Variants in EXD3 observed in about 807,000 individuals in gnomAD.
EXD3 encodes exonuclease 3'-5' domain containing 3, also known as exonuclease mut-7 homolog.
A neutral mutation model predicts 98.0 loss-of-function variants in EXD3; 92 were observed. The ratio of observed to expected loss-of-function variants is 0.94; its 90% CI spans 0.79 to 1.12. The LOEUF is 1.12. EXD3 is among the 50% of genes most tolerant of loss of function. EXD3 has a pLI of 0.00. For missense variants in EXD3, 1,222 were observed against 1,191.6 expected (o/e 1.03, Z -0.38); for synonymous variants, 569 against 526.0 (o/e 1.08, Z -1.12).
chr9:137,362,569 T>C (rs1835044186), intron 7 of EXD3, among the ~76,000 whole-genome samples: 1 of 151,966 alleles, frequency 6.6e-6, no homozygotes, highest in Admixed American at 6.6e-5. Flanking sequence ...AATCACAGCT[T>C]ACTGTAGCCT....
Position 137,415,622 on chromosome 9 carries a change from G to C in EXD3, c.-48+7492C>G, listed in dbSNP as rs1470950622. On this transcript the variant is annotated intron_variant, in intron 1 of 21. Coordinates refer to ENST00000340951, the MANE Select transcript of EXD3 (RefSeq NM_017820.5). ...CACATGGATGTACCATGGGACAGCT[G>C]CAAGGACGGGTCAGGTGGCCCATGG... 6.6e-5 allele frequency among the ~76,000 whole-genome samples: 10 copies of C among 152,194 alleles called. 1 individual carries two copies. The East Asian group carries it at 1.2e-3, about 18-fold the overall frequency.
At chr9:137,396,841 C>G in intron 1 of EXD3, among the ~76,000 whole-genome samples, 1 of 152,324 alleles carries the variant, frequency 6.6e-6, no homozygotes, top group South Asian at 2.1e-4. Context: ...GATGATATAT[C>G]TTAGGAAACC....
chr9:137,373,055 C>T lies in EXD3; in HGVS notation c.312G>A (p.Lys104=). 6.3e-7 allele frequency: 1 copy of T among 1,588,514 alleles called. No homozygotes were observed. Among genetic ancestry groups the T allele is most frequent in the South Asian group, 1.1e-5 (1 of 88,300 alleles). Residue 104 remains lysine, a synonymous_variant, in exon 5 of 22, where the codon AAG becomes AAA. Coordinates refer to ENST00000340951, the MANE Select transcript of EXD3 (RefSeq NM_017820.5). ...PSLAQHSLRL[K]QLQARAVKVL... ...CTTTGACCGCTCGGGCCTGCAGCTG[C>T]TTCAGCCTCAGGCTGTGCTGGAAGA...
rs61736008 is a variant in EXD3, at chr9:137,393,043, A to C, written c.55+2260T>G. 4.5e-3 allele frequency: 2,776 copies of C among 612,598 alleles called. 29 individuals carry two copies. The highest frequency in any genetic ancestry group is 0.033 in the Middle Eastern group (73 of 2,192). 37.9% of individuals were successfully genotyped at this position (612,598 alleles called of 1,614,324 possible). On this transcript the variant is annotated intron_variant, in intron 2 of 21. Transcript: ENST00000340951. This position sits in a 1 kb window ranked among gnomAD's most constrained non-coding sequence, Gnocchi z 4.6. ...TTCCAGGGAGGGCCATTAGTGTTCCAGGGGGTGCTGAGGCTGTTCCAGGGG... is the reference window on the plus strand; with the variant it reads ...TTCCAGGGAGGGCCATTAGTGTTCCCGGGGGTGCTGAGGCTGTTCCAGGGG...
intron 1 of EXD3, among the ~76,000 whole-genome samples, chr9:137,399,296 C>T (rs1160293635): frequency 1.3e-5 from 2 of 152,184 alleles, no homozygotes; most frequent in Non-Finnish European, 2.9e-5. Flanking sequence ...TGGTGTGGTC[C>T]CCTGGGGGCT....
chr9:137,338,279 T>C (rs1435928252), intron 17 of EXD3, among the ~76,000 whole-genome samples: 1 of 152,224 alleles, frequency 6.6e-6, no homozygotes, highest in Non-Finnish European at 1.5e-5. Context: ...TTGAAAAACC[T>C]TCTAAAGAAC....
rs1399007224 is a variant in EXD3 at position 137,422,422 on chromosome 9, C to T, written c.-48+692G>A. Among the ~76,000 whole-genome samples, 6 of 152,166 alleles carry T rather than the reference C, an allele frequency of 3.9e-5. No homozygotes were observed. In the East Asian group the frequency reaches 1.2e-3, roughly 29 times the overall value. On this transcript the variant is annotated intron_variant, in intron 1 of 21. Coordinates refer to ENST00000340951, the MANE Select transcript of EXD3 (RefSeq NM_017820.5). The stretch of plus-strand genomic sequence containing the variant: ...ACCCCTCGAGCCAAGTAACTATCCA[C>T]TGATGACACCAAGCCGTGGTCAATC...
chr9:137,309,617 G>C lies in EXD3; in HGVS notation c.2268C>G (p.Pro756=), dbSNP rs1229761132. The C allele has an allele frequency of 1.3e-6, 2 of 1,559,482 alleles. No homozygotes were observed. The highest frequency in any genetic ancestry group is 4.8e-5 in the East Asian group (2 of 41,608). ...LMWLSSHQEG[P]RSSGDEATQS... ...CCCTGACACACTCACCTGAGCTCCT[G>C]GGCCCCTCCTGGTGACTGCTGAGCC... Residue 756 remains proline, a synonymous_variant, in exon 20 of 22, where the codon CCC becomes CCG. Coordinates refer to ENST00000340951, the MANE Select transcript of EXD3 (RefSeq NM_017820.5).
At chr9:137,307,519 C>A (rs899588269) in intron 21 of EXD3, 89 bp downstream of exon 21, 11 of 1,521,776 alleles carry the variant, frequency 7.2e-6, no homozygotes, top group Middle Eastern at 4.5e-4. Flanking sequence ...TCTGCCCGGC[C>A]GGGACCCAAG....
intron 17 of EXD3, among the ~76,000 whole-genome samples, chr9:137,335,636 C>T (rs556547333): frequency 3.9e-5 from 6 of 152,182 alleles, no homozygotes; most frequent in South Asian, 4.1e-4. Context: ...GCCAAGATCG[C>T]GCCATTGCAC....
chr9:137,378,265 G>A (rs1448070276), intron 3 of EXD3, among the ~76,000 whole-genome samples: 1 of 151,908 alleles, frequency 6.6e-6, no homozygotes, highest in Non-Finnish European at 1.5e-5. Flanking sequence ...CTGGAGTGCA[G>A]TGGCATGATC....
chr9:137,398,876 T>A (rs1397915737), intron 1 of EXD3, among the ~76,000 whole-genome samples: 1 of 94,256 alleles, frequency 1.1e-5, no homozygotes, highest in Non-Finnish European at 2.1e-5. Context: ...CGCGTCCCCG[T>A]GACACACATG....
intron 2 of EXD3, among the ~76,000 whole-genome samples, chr9:137,394,796 GTTC>G (rs1160814759): frequency 2.6e-5 from 4 of 152,188 alleles, no homozygotes; most frequent in African/African-American, 4.8e-5. Flanking sequence ...GAGGGCAGAT[GTTC>G]TTCTTAACTC....
rs1012434081 is a variant in EXD3, at chr9:137,395,510, G to A, written c.-47-106C>T. ...GGTGGTGGAGGGAGCTGGTGCCTGG[G>A]GGGGCCCAAGTGGGACCCCCAGTCG... On this transcript the variant is annotated intron_variant, in intron 1 of 21. Coordinates refer to ENST00000340951, the MANE Select transcript of EXD3 (RefSeq NM_017820.5). This position sits in a 1 kb window ranked among gnomAD's most constrained non-coding sequence, Gnocchi z 6.5. 145 of 1,106,160 alleles carry A rather than the reference G, an allele frequency of 1.3e-4. 1 individual carries two copies. In the African/African-American group the frequency reaches 1.4e-3, roughly 11 times the overall value. 68.5% of individuals were successfully genotyped at this position (1,106,160 alleles called of 1,614,324 possible).
chr9:137,357,978 T>C (rs747970807), intron 7 of EXD3, among the ~76,000 whole-genome samples: 107 of 152,036 alleles, frequency 7.0e-4, no homozygotes, highest in Non-Finnish European at 1.3e-3. Flanking sequence ...ATTCCAGCCT[T>C]GCTGGCAGCT....
intron 1 of EXD3, among the ~76,000 whole-genome samples, chr9:137,417,074 AGGGCGACCCTCGTGACGACCGAGCTCCC>A (rs1838268238): frequency 1.3e-5 from 2 of 152,036 alleles, no homozygotes; most frequent in Non-Finnish European, 2.9e-5. Context: ...ACGGCAGGAG[AGGGCGACCCTCGTGACGACCGAGCTCCC>A]GGGCAAAGCC....
intron 19 of EXD3, among the ~76,000 whole-genome samples, chr9:137,318,757 T>A (rs1418047998): frequency 2.0e-5 from 3 of 152,066 alleles, no homozygotes; most frequent in African/African-American, 4.8e-5. Flanking sequence ...CGTGGGCAGA[T>A]GCTACCAGAA....
chr9:137,414,094 T>C (rs890623798), intron 1 of EXD3, among the ~76,000 whole-genome samples: 13 of 152,076 alleles, frequency 8.5e-5, no homozygotes, highest in African/African-American at 3.1e-4. Flanking sequence ...TTTTTGTATT[T>C]TTAGTAGAGA....
intron 19 of EXD3, among the ~76,000 whole-genome samples, chr9:137,322,812 A>G (rs1227517075): frequency 1.4e-4 from 3 of 21,132 alleles, no homozygotes; most frequent in South Asian, 2.5e-3. Flanking sequence ...CCCACGAGGG[A>G]TGCTCTGCCG....
Sources: allele counts gnomAD v4.1 joint callset (sites outside exome capture counted in the v4.1 genomes callset), GRCh38; gene constraint gnomAD v4.1.1; non-coding constraint Gnocchi (gnomAD v3.1); transcripts MANE v1.5; gene names NCBI Gene and HGNC (gene_info 2026-07-23, HGNC 2026-07-21).